DNAH14: variants seen among roughly 807,000 people sequenced by gnomAD.
DNAH14 encodes the protein axonemal beta dynein heavy chain 14.
Under a neutral mutation model 520.9 loss-of-function variants are expected in DNAH14, and 478 were observed. The ratio of observed to expected loss-of-function variants is 0.92; its 90% CI spans 0.85 to 0.99. DNAH14 has a LOEUF of 0.99. Among genes scored for constraint, DNAH14 ranks in the 50% least tolerant of loss-of-function variants. The pLI, the probability that DNAH14 is intolerant of heterozygous loss-of-function variation, is 0.00. For missense variants in DNAH14, 4,831 were observed against 5,234.5 expected (o/e 0.92, Z 2.38); for synonymous variants, 1,581 against 1,757.2 (o/e 0.90, Z 2.51).
intron 44 of DNAH14, among the ~76,000 whole-genome samples, chr1:225,256,464 C>A (rs1402847612): frequency 6.6e-6 from 1 of 151,870 alleles, no homozygotes; most frequent in African/African-American, 2.4e-5. Flanking sequence ...AATAAAATGG[C>A]AAAAGCAAAA....
At chr1:225,369,661 A>T (rs1178059006) in intron 77 of DNAH14, among the ~76,000 whole-genome samples, 2 of 152,168 alleles carry the variant, frequency 1.3e-5, no homozygotes, top group East Asian at 3.9e-4. Flanking sequence ...ATTAACAGAT[A>T]GATCGAGAGA....
intron 1 of DNAH14, among the ~76,000 whole-genome samples, chr1:224,947,990 A>G (rs946260069): frequency 1.3e-5 from 2 of 152,052 alleles, no homozygotes; most frequent in African/African-American, 4.8e-5. Flanking sequence ...GCTTAAAATT[A>G]TATGTATTCT....
intron 55 of DNAH14, 91 bp downstream of exon 55, chr1:225,290,173 G>A (rs1272575554): frequency 9.6e-6 from 9 of 932,658 alleles, no homozygotes; most frequent in Non-Finnish European, 1.0e-5. Context: ...AAGAAAACAA[G>A]AAAATATTTA....
intron 74 of DNAH14, among the ~76,000 whole-genome samples, chr1:225,360,473 G>C (rs2095480451): frequency 6.6e-6 from 1 of 152,210 alleles, no homozygotes; most frequent in South Asian, 2.1e-4. Flanking sequence ...AGGTGCTGCT[G>C]TCGTTAGATA....
rs1308055628 is a variant in DNAH14, at chr1:225,119,282, A to C, written c.4154A>C (p.Asp1385Ala). The C allele has an allele frequency of 6.6e-7, 1 of 1,521,818 alleles. No individual in the cohort carries two copies. The highest frequency in any genetic ancestry group is 8.8e-7 in the Non-Finnish European group (1 of 1,132,476). 94.3% of individuals were successfully genotyped at this position (1,521,818 alleles called of 1,614,324 possible). The change falls in exon 26 of 86, where the codon GAT becomes GCT. Residue 1385 changes from aspartate to alanine, a missense_variant. Physicochemically the swap from Asp to Ala is moderately radical, Grantham distance 126. Coordinates refer to ENST00000682510, the MANE Select transcript of DNAH14 (RefSeq NM_001367479.1). ...WLVNVEKSMFDVLKKFLSQGI... is the reference protein window; with the variant it reads ...WLVNVEKSMFAVLKKFLSQGI... ...GTAAATGTAGAAAAAAGCATGTTCG[A>C]TGTGCTAAAAAAGTAAGTACAATTT... is the stretch of plus-strand genomic sequence containing the variant.
At chr1:225,202,809 G>A (rs2149405786) in intron 38 of DNAH14, among the ~76,000 whole-genome samples, 1 of 152,288 alleles carries the variant, frequency 6.6e-6, no homozygotes, top group East Asian at 1.9e-4. Context: ...AAGGACCCCT[G>A]TGAGGCAAGG....
intron 42 of DNAH14, among the ~76,000 whole-genome samples, chr1:225,239,384 G>A (rs979599251): frequency 4.6e-5 from 7 of 152,094 alleles, no homozygotes; most frequent in African/African-American, 1.4e-4. Context: ...GAGGGAGTGT[G>A]CAACCCCACA....
intron 27 of DNAH14, 100 bp downstream of exon 27, chr1:225,123,714 T>G: frequency 5.0e-6 from 1 of 201,080 alleles, no homozygotes; most frequent in Non-Finnish European, 1.1e-5. Context: ...TCCAATAAAG[T>G]GAGTCACATG....
intron 21 of DNAH14, among the ~76,000 whole-genome samples, chr1:225,089,990 G>A (rs973027379): frequency 1.1e-4 from 17 of 152,086 alleles, no homozygotes; most frequent in Non-Finnish European, 5.9e-5. Context: ...AATAAAAAAT[G>A]TCCAGATTGA....
At chr1:225,222,540 T>A (rs1046238232) in intron 41 of DNAH14, among the ~76,000 whole-genome samples, 5 of 152,146 alleles carry the variant, frequency 3.3e-5, no homozygotes, top group African/African-American at 1.2e-4. Context: ...GGTTGCCAGC[T>A]TTTATTCCCT....
At chr1:225,102,016 A>T (rs1198405182) in intron 23 of DNAH14, among the ~76,000 whole-genome samples, 2 of 148,998 alleles carry the variant, frequency 1.3e-5, no homozygotes, top group African/African-American at 2.5e-5. Context: ...AACATTAGGT[A>T]TATCTCCTAA....
intron 36 of DNAH14, among the ~76,000 whole-genome samples, chr1:225,174,857 A>G (rs561705919): frequency 1.3e-5 from 2 of 152,160 alleles, no homozygotes; most frequent in South Asian, 4.2e-4. Context: ...TTCTATGCCC[A>G]GTTTGTTTAA....
At chr1:225,215,890 T>G (rs548857516) in intron 41 of DNAH14, among the ~76,000 whole-genome samples, 20 of 152,306 alleles carry the variant, frequency 1.3e-4, no homozygotes, top group Non-Finnish European at 7.3e-5. Flanking sequence ...ATTTAGCCCA[T>G]TTGCATTTAA....
intron 7 of DNAH14, among the ~76,000 whole-genome samples, chr1:224,971,876 G>A (rs879283754): frequency 1.1e-4 from 17 of 152,162 alleles, no homozygotes; most frequent in East Asian, 5.8e-4. Flanking sequence ...GAAGTTTCTC[G>A]TCAAAGATAG....
chr1:225,164,298 T>G (rs1365255291), intron 35 of DNAH14, among the ~76,000 whole-genome samples: 1 of 152,154 alleles, frequency 6.6e-6, no homozygotes, highest in Non-Finnish European at 1.5e-5. Context: ...TAATATCTAT[T>G]CAGTCAGATA....
intron 36 of DNAH14, among the ~76,000 whole-genome samples, chr1:225,178,025 A>G (rs1433080287): frequency 1.3e-5 from 2 of 152,204 alleles, no homozygotes; most frequent in African/African-American, 2.4e-5. Context: ...GCAAAGCCAC[A>G]GGGGCAGAGC....
chr1:225,325,449 C>T lies in DNAH14; in HGVS notation c.9723+617C>T, dbSNP rs2094641453. On this transcript the variant is annotated intron_variant, in intron 64 of 85. Transcript: ENST00000682510. The stretch of plus-strand genomic sequence containing the variant: ...GCAGTGTGCCGAGATTGAACCATTA[C>T]ACTCCAGCCTGGGCAACAAGAGCAA... Among the ~76,000 whole-genome samples the T allele has an allele frequency of 1.3e-4, 19 of 150,482 alleles. No individual in the cohort carries two copies. In the South Asian group the frequency reaches 4.0e-3, roughly 31 times the overall value.
chr1:225,137,472 C>G (rs2079049937), intron 27 of DNAH14, among the ~76,000 whole-genome samples: 1 of 152,206 alleles, frequency 6.6e-6, no homozygotes. Context: ...TCTCCTGCCT[C>G]AGCCTCCTGA....
chr1:225,147,503 T>C (rs2080060357), intron 31 of DNAH14, among the ~76,000 whole-genome samples: 1 of 152,214 alleles, frequency 6.6e-6, no homozygotes, highest in African/African-American at 2.4e-5. Flanking sequence ...TTTGGAACAG[T>C]CTCCTGAGCT....
Sources: allele counts gnomAD v4.1 joint callset (sites outside exome capture counted in the v4.1 genomes callset), GRCh38; gene constraint gnomAD v4.1.1; transcripts MANE v1.5; gene names NCBI Gene and HGNC (gene_info 2026-07-23, HGNC 2026-07-21).